CMSS1: variants seen among roughly 807,000 people sequenced by gnomAD.
CMSS1 encodes the protein protein CMSS1.
CMSS1 carries 33 observed loss-of-function variants against 43.5 expected under a neutral mutation model. The ratio of observed to expected loss-of-function variants is 0.76; its 90% CI spans 0.57 to 1.01. The LOEUF (loss-of-function observed/expected upper bound fraction) is 1.01. Ranked by LOEUF, CMSS1 falls within the 50% of genes least tolerant of loss-of-function variation. The pLI, the probability that CMSS1 is intolerant of heterozygous loss-of-function variation, is 0.00. For missense variants in CMSS1, 313 were observed against 326.4 expected (o/e 0.96, Z 0.32); for synonymous variants, 115 against 117.2 (o/e 0.98, Z 0.12).
chr3:100,092,564 C>T (rs2066128912), intron 1 of CMSS1, among the ~76,000 whole-genome samples: 1 of 150,716 alleles, frequency 6.6e-6, no homozygotes, highest in Non-Finnish European at 1.5e-5. Context: ...TATTTGCATG[C>T]CCAGTACACA....
chr3:99,825,127 C>A (rs1042759123), intron 1 of CMSS1, among the ~76,000 whole-genome samples: 1 of 152,170 alleles, frequency 6.6e-6, no homozygotes, highest in African/African-American at 2.4e-5. Context: ...ATTGTCTCTA[C>A]ATATAAAATT....
intron 1 of CMSS1, chr3:99,924,164 A>G: frequency 1.5e-6 from 2 of 1,309,062 alleles, no homozygotes. Flanking sequence ...TGTATCCCTG[A>G]GACCTGGTAC....
chr3:99,880,528 GACT>G (rs1365245895), intron 1 of CMSS1, among the ~76,000 whole-genome samples: 2 of 152,100 alleles, frequency 1.3e-5, no homozygotes, highest in Non-Finnish European at 2.9e-5. Flanking sequence ...AGCTGACTAT[GACT>G]CTAGAACAGT....
intron 1 of CMSS1, among the ~76,000 whole-genome samples, chr3:100,087,478 A>G (rs991522611): frequency 2.0e-5 from 3 of 152,186 alleles, no homozygotes; most frequent in East Asian, 1.9e-4. Context: ...TATTTCCACA[A>G]TGACTAATGG....
Position 99,916,437 on chromosome 3 carries a change from T to TACACACACAC in CMSS1, c.64+98433_64+98442dup, listed in dbSNP as rs10529210. ...GCCAACACTTTATAATAACGGTTTATACACACACACACACACACACACACA... is the reference window on the plus strand; with the variant it reads ...GCCAACACTTTATAATAACGGTTTATACACACACACACACACACACACACACACACACACA... On this transcript the variant is annotated intron_variant, in intron 1 of 9. Transcript: ENST00000421999. 3.1e-3 allele frequency among the ~76,000 whole-genome samples: 426 copies of TACACACACAC among 137,152 alleles called. 5 individuals are homozygous for TACACACACAC. The highest frequency in any genetic ancestry group is 8.7e-3 in the African/African-American group (314 of 35,984). The allele number at this position is 137,152 out of a possible 152,430, so 90.0% of individuals were successfully genotyped here. A position where few individuals can be genotyped will look rare whatever the true frequency, so the allele number is the denominator to read the frequency against.
At chr3:100,044,745 A>T (rs2065253612) in intron 1 of CMSS1, among the ~76,000 whole-genome samples, 2 of 152,218 alleles carry the variant, frequency 1.3e-5, no homozygotes, top group South Asian at 2.1e-4. Flanking sequence ...ATTGTACCTC[A>T]TCACACAGTA....
At chr3:99,982,786 G>T (rs1223188011) in intron 1 of CMSS1, among the ~76,000 whole-genome samples, 1 of 152,104 alleles carries the variant, frequency 6.6e-6, no homozygotes, top group Non-Finnish European at 1.5e-5. Flanking sequence ...TTTCAAAAAT[G>T]TGCTTATAAA....
At chr3:100,047,988 C>A (rs561050463) in intron 1 of CMSS1, among the ~76,000 whole-genome samples, 1 of 152,128 alleles carries the variant, frequency 6.6e-6, no homozygotes, top group South Asian at 2.1e-4. Context: ...GTAAATATAC[C>A]CTCCTAAGAA....
At chr3:100,073,260 C>T (rs1201358949) in intron 1 of CMSS1, among the ~76,000 whole-genome samples, 1 of 152,106 alleles carries the variant, frequency 6.6e-6, no homozygotes, top group Non-Finnish European at 1.5e-5. Flanking sequence ...TATATATTAT[C>T]TGACTATTTT....
chr3:99,856,098 GCTGCTCTGCTCTGCTCTGCT>G (rs71130096), intron 1 of CMSS1, among the ~76,000 whole-genome samples: 1,792 of 151,320 alleles, frequency 0.012, 20 homozygotes, highest in African/African-American at 0.026. Context: ...TGCTGCTCTT[GCTGCTCTGCTCTGCTCTGCT>G]CTGCTCTGCT....
chr3:99,975,298 A>C (rs552856043), intron 1 of CMSS1, among the ~76,000 whole-genome samples: 3 of 152,326 alleles, frequency 2.0e-5, no homozygotes, highest in South Asian at 2.1e-4. Context: ...AGTGCTGTGG[A>C]TATAGCAATG....
chr3:99,897,322 T>C (rs1176562725), intron 1 of CMSS1, among the ~76,000 whole-genome samples: 5 of 151,970 alleles, frequency 3.3e-5, no homozygotes, highest in Non-Finnish European at 7.4e-5. Context: ...GGAGCCGAGA[T>C]TGCACCATTG....
chr3:99,901,729 G>A (rs534469206), intron 1 of CMSS1, among the ~76,000 whole-genome samples: 8 of 152,230 alleles, frequency 5.3e-5, no homozygotes, highest in Non-Finnish European at 8.8e-5. Context: ...AACTCTGGAC[G>A]GGATGTAAGT....
intron 6 of CMSS1, among the ~76,000 whole-genome samples, chr3:100,170,336 A>C (rs1049867110): frequency 5.9e-5 from 9 of 152,268 alleles, no homozygotes; most frequent in African/African-American, 1.9e-4. Flanking sequence ...ATAGAAATAC[A>C]TTGAACAAAT....
At chr3:99,906,057 G>T (rs953957819) in intron 1 of CMSS1, among the ~76,000 whole-genome samples, 1 of 152,118 alleles carries the variant, frequency 6.6e-6, no homozygotes, top group East Asian at 1.9e-4. Context: ...GCTGGGCATG[G>T]TGGTGCATGC....
chr3:100,023,938 TAAAG>T (rs1207717844), intron 1 of CMSS1, among the ~76,000 whole-genome samples: 1 of 152,158 alleles, frequency 6.6e-6, no homozygotes, highest in Non-Finnish European at 1.5e-5. Flanking sequence ...TGCTAGCAGT[TAAAG>T]AAATCTTTAC....
intron 1 of CMSS1, among the ~76,000 whole-genome samples, chr3:99,916,026 T>TA (rs1263648952): frequency 6.6e-6 from 1 of 152,234 alleles, no homozygotes; most frequent in Non-Finnish European, 1.5e-5. Context: ...TGGTTAATTT[T>TA]ATGTGTCAAC....
At chr3:99,897,414 A>G (rs898950120) in intron 1 of CMSS1, among the ~76,000 whole-genome samples, 7 of 152,154 alleles carry the variant, frequency 4.6e-5, no homozygotes, top group Non-Finnish European at 8.8e-5. Context: ...CTTTGACAGT[A>G]AATACAGCTC....
At chr3:99,889,330 A>G (rs1008734814) in intron 1 of CMSS1, among the ~76,000 whole-genome samples, 10 of 152,106 alleles carry the variant, frequency 6.6e-5, no homozygotes, top group African/African-American at 2.4e-4. Flanking sequence ...ATATTATATA[A>G]TAACCCTTTA....
Sources: allele counts gnomAD v4.1 joint callset (sites outside exome capture counted in the v4.1 genomes callset), GRCh38; gene constraint gnomAD v4.1.1; transcripts MANE v1.5; gene names NCBI Gene and HGNC (gene_info 2026-07-23, HGNC 2026-07-21).